POLN: variants seen among roughly 807,000 people sequenced by gnomAD.
POLN encodes DNA polymerase nu.
A neutral mutation model predicts 113.5 loss-of-function variants in POLN; 108 were observed. That is an observed-to-expected ratio of 0.95 (90% CI 0.81 to 1.12). POLN has a LOEUF of 1.12. Among genes scored for constraint, POLN ranks in the 50% most tolerant of loss-of-function variants. The pLI, the probability that POLN is intolerant of heterozygous loss-of-function variation, is 0.00. For missense variants in POLN, 1,097 were observed against 1,077.1 expected (o/e 1.02, Z -0.26); for synonymous variants, 386 against 391.5 (o/e 0.99, Z 0.17).
chr4:2,084,437 G>C (rs1730502352), intron 21 of POLN, among the ~76,000 whole-genome samples: 2 of 152,228 alleles, frequency 1.3e-5, no homozygotes, highest in Admixed American at 6.5e-5. Flanking sequence ...TCCTGTCCTT[G>C]TCTGGATGCT....
At chr4:2,190,023 C>CAA (rs58730240) in intron 7 of POLN, among the ~76,000 whole-genome samples, 8 of 86,090 alleles carry the variant, frequency 9.3e-5, no homozygotes, top group South Asian at 3.9e-4. Flanking sequence ...GACTCCATCT[C>CAA]AAAAAAAAAA....
At chr4:2,156,960 G>A (rs1449545118) in intron 15 of POLN, 107 bp from the exon 16 acceptor site, 3 of 901,062 alleles carry the variant, frequency 3.3e-6, no homozygotes, top group Non-Finnish European at 5.4e-6. Context: ...CTCCTCCAGA[G>A]GCCAACAAGC....
chr4:2,232,119 AT>A, intron 2 of POLN: 5 of 1,589,286 alleles, frequency 3.1e-6, no homozygotes, highest in Non-Finnish European at 4.3e-6. Flanking sequence ...GATTTAGCTT[AT>A]TCAGTTGAGA....
intron 7 of POLN, among the ~76,000 whole-genome samples, chr4:2,191,706 T>G (rs549305756): frequency 1.3e-5 from 2 of 152,268 alleles, no homozygotes; most frequent in South Asian, 4.1e-4. Context: ...GATGATGGTG[T>G]TGTCTTAAAA....
At chr4:2,088,995 T>C (rs564553957) in intron 20 of POLN, 14 of 872,634 alleles carry the variant, frequency 1.6e-5, no homozygotes, top group Admixed American at 6.4e-5. Flanking sequence ...AGACAGCCTT[T>C]ATTGTTTTTC....
intron 5 of POLN, among the ~76,000 whole-genome samples, chr4:2,204,532 T>C (rs1483141985): frequency 2.0e-5 from 3 of 152,180 alleles, no homozygotes; most frequent in Non-Finnish European, 2.9e-5. Flanking sequence ...TCAGTACTGA[T>C]CCTATTGACA....
rs1731588428 is a variant in POLN, at chr4:2,126,640, A to G, written c.1982+1473T>C. ...GACCAGAGAGGAGTGGAGACCAGAG[A>G]GGAGCGGCGCCGTGCCCAGCATCAG... On this transcript the variant is annotated intron_variant, in intron 19 of 25. Transcript: ENST00000511885. The surrounding 1 kb of genome is among the most constrained non-coding windows in gnomAD (Gnocchi z 4.6). Among the ~76,000 whole-genome samples, 3 of 152,096 alleles carry G rather than the reference A, an allele frequency of 2.0e-5. No individual in the cohort carries two copies. The South Asian group carries it at 6.3e-4, about 32-fold the overall frequency.
chr4:2,202,639 G>A (rs1733745333), intron 5 of POLN, among the ~76,000 whole-genome samples: 3 of 146,986 alleles, frequency 2.0e-5, no homozygotes, highest in Admixed American at 7.0e-5. Flanking sequence ...CAGGAGAATT[G>A]CTTGAACCTG....
chr4:2,179,549 G>A (rs35024704), intron 7 of POLN, 84 bp from the exon 8 acceptor site: 24 of 1,292,806 alleles, frequency 1.9e-5, no homozygotes, highest in African/African-American at 3.0e-5. Context: ...AAGTTCAAAC[G>A]AATAGTAGTA....
At position 2,129,247 on chromosome 4, in the gene POLN, T is replaced by C. The variant is rs1287421843; in HGVS notation, c.1799A>G (p.Asp600Gly). The C allele has an allele frequency of 2.5e-6, 4 of 1,588,878 alleles. No homozygotes were observed. The South Asian group carries it at 3.3e-5, about 13-fold the overall frequency. ...CCTCGGGGAGATCGTGAGAATCTTGTCTTCTTTACCTGAATTGTTATTTCA... is the reference window on the plus strand; with the variant it reads ...CCTCGGGGAGATCGTGAGAATCTTGCCTTCTTTACCTGAATTGTTATTTCA... ...TTPKNFKGKEDKILTISPRAM... is the reference protein window; with the variant it reads ...TTPKNFKGKEGKILTISPRAM... Residue 600 changes from aspartate to glycine, a missense_variant, in exon 18 of 26, where the codon GAC becomes GGC. By Grantham distance (94) the Asp-to-Gly change is moderately conservative. Coordinates refer to ENST00000511885, the MANE Select transcript of POLN (RefSeq NM_181808.4).
At chr4:2,158,464 AAGATAAAC>A (rs1362163801) in intron 14 of POLN, among the ~76,000 whole-genome samples, 1 of 152,160 alleles carries the variant, frequency 6.6e-6, no homozygotes, top group African/African-American at 2.4e-5. Flanking sequence ...GAAATTTGCA[AAGATAAAC>A]AGATAAACAA....
chr4:2,204,065 C>T (rs1451979036), intron 5 of POLN, among the ~76,000 whole-genome samples: 26 of 135,778 alleles, frequency 1.9e-4, no homozygotes, highest in African/African-American at 6.5e-4. Flanking sequence ...GCTGAGATCG[C>T]GCCATTACAC....
intron 19 of POLN, among the ~76,000 whole-genome samples, chr4:2,120,369 TCCATAC>T (rs1192290831): frequency 6.6e-6 from 1 of 152,092 alleles, no homozygotes; most frequent in Non-Finnish European, 1.5e-5. Context: ...TGTTGAGTCT[TCCATAC>T]CCCGAACATG....
At position 2,080,031 on chromosome 4, in the gene POLN, T is replaced by C. The variant is rs967325196; in HGVS notation, c.2387+927A>G. 1.2e-5 allele frequency: 12 copies of C among 985,490 alleles called. 4 individuals are homozygous for C. Among genetic ancestry groups the C allele is most frequent in the Admixed American group, 6.1e-5 (1 of 16,292 alleles). The allele number at this position is 985,490 out of a possible 1,614,324, so 61.0% of individuals were successfully genotyped here. ...CCCCCACGGGACTGTCGCCAAGAGC[T>C]TGAGGGCTCTTAGGGTGGGGGTGGG... On this transcript the variant is annotated intron_variant, in intron 23 of 25. Coordinates refer to ENST00000511885, the MANE Select transcript of POLN (RefSeq NM_181808.4).
At chr4:2,171,854 G>T (rs1039982581) in intron 11 of POLN, among the ~76,000 whole-genome samples, 1 of 151,868 alleles carries the variant, frequency 6.6e-6, no homozygotes, top group African/African-American at 2.4e-5. Context: ...CTCCCCCAAA[G>T]GTAAGAAAAC....
chr4:2,211,188 G>A (rs1320878331), intron 4 of POLN, among the ~76,000 whole-genome samples: 1 of 148,928 alleles, frequency 6.7e-6, no homozygotes, highest in Non-Finnish European at 1.5e-5. Context: ...GGCGGAGGTT[G>A]CAGTGAGCCG....
intron 19 of POLN, among the ~76,000 whole-genome samples, chr4:2,121,594 G>A (rs1209077638): frequency 1.3e-5 from 2 of 151,788 alleles, no homozygotes; most frequent in East Asian, 3.8e-4. Flanking sequence ...GGTAGTTTGT[G>A]GTTTTCAAGA....
chr4:2,158,626 G>A (rs1166649422), intron 14 of POLN, among the ~76,000 whole-genome samples: 1 of 152,182 alleles, frequency 6.6e-6, no homozygotes, highest in African/African-American at 2.4e-5. Context: ...TAGGACCTAT[G>A]CTGTGGGCAG....
rs1198893790 is a variant in POLN at position 2,122,852 on chromosome 4, G to A, written c.1982+5261C>T. ...TCAGGAGAAATTTAAATGTATGTCT[G>A]CACAAAAACTTGCACACAGACCAGG... is the stretch of plus-strand genomic sequence containing the variant. On this transcript the variant is annotated intron_variant, in intron 19 of 25. Coordinates refer to ENST00000511885, the MANE Select transcript of POLN (RefSeq NM_181808.4). Among the ~76,000 whole-genome samples, 5 of 152,118 alleles carry A rather than the reference G, an allele frequency of 3.3e-5. No individual in the cohort carries two copies. In the East Asian group the frequency reaches 9.6e-4, roughly 29 times the overall value.
Sources: gnomAD v4.1 joint callset for allele counts (sites outside exome capture counted in the v4.1 genomes callset) on GRCh38, gnomAD v4.1.1 for gene constraint, Gnocchi (gnomAD v3.1) non-coding constraint, MANE v1.5 for transcripts, NCBI Gene and HGNC (gene_info 2026-07-23, HGNC 2026-07-21) for gene names.